The following COL4A6 variants were observed in gnomAD, a reference collection of about 807,000 sequenced individuals.
COL4A6 encodes the protein collagen alpha-6(IV) chain.
In COL4A6, 59 loss-of-function variants were observed where a neutral mutation model predicts 126.7. The observed-to-expected ratio is 0.47, with a 90% CI of 0.38 to 0.58. The LOEUF (loss-of-function observed/expected upper bound fraction) is 0.58, where lower values mean the gene tolerates loss of function less well. Ranked by LOEUF, COL4A6 falls within the 20% of genes least tolerant of loss-of-function variation. COL4A6 has a pLI of 0.00. For missense variants in COL4A6, 1,285 were observed against 1,337.3 expected (o/e 0.96, Z 0.61); for synonymous variants, 547 against 496.6 (o/e 1.10, Z -1.35).
At chrX:108,322,029 C>T (rs2039043570) in intron 2 of COL4A6, among the ~76,000 whole-genome samples, 1 of 111,487 alleles carries the variant, frequency 9.0e-6, no homozygotes. Flanking sequence ...TCTTAGAGCT[C>T]TTCCCTTAAA....
At chrX:108,378,515 A>G (rs2040492061) in intron 2 of COL4A6, among the ~76,000 whole-genome samples, 1 of 112,390 alleles carries the variant, frequency 8.9e-6, no homozygotes, top group African/African-American at 3.2e-5. Flanking sequence ...GAAGCTGGCC[A>G]GATGTTTGCC....
At chrX:108,340,848 G>T (rs2039546907) in intron 2 of COL4A6, among the ~76,000 whole-genome samples, 1 of 66,141 alleles carries the variant, frequency 1.5e-5, no homozygotes, top group Non-Finnish European at 2.7e-5. Flanking sequence ...TGGGGGGGGG[G>T]AATGGACAGG....
At chrX:108,400,940 G>C (rs986910979) in intron 2 of COL4A6, among the ~76,000 whole-genome samples, 1 of 111,493 alleles carries the variant, frequency 9.0e-6, no homozygotes, top group Non-Finnish European at 1.9e-5. Flanking sequence ...TTAGAATTTA[G>C]AAAGTCATTC....
chrX:108,320,214 G>C (rs1332112), intron 2 of COL4A6, among the ~76,000 whole-genome samples: 18,656 of 111,238 alleles, frequency 0.17, 1,768 homozygotes, highest in East Asian at 0.57. Flanking sequence ...AGAGCAAGGA[G>C]AAGGCATGAA....
At chrX:108,438,980 T>A (rs2064327697), upstream of COL4A6, among the ~76,000 whole-genome samples, 2 of 112,457 alleles carry the variant, frequency 1.8e-5, no homozygotes, top group Admixed American at 1.9e-4. Context: ...TTTGTTACTT[T>A]AAAAAAAATC....
chrX:108,329,500 A>T (rs2039242627), intron 2 of COL4A6, among the ~76,000 whole-genome samples: 1 of 111,744 alleles, frequency 8.9e-6, no homozygotes, highest in African/African-American at 3.2e-5. Context: ...CATTGTCTGG[A>T]TATTCGATTA....
chrX:108,284,411 T>C (rs1022000720), intron 3 of COL4A6, among the ~76,000 whole-genome samples: 6 of 111,501 alleles, frequency 5.4e-5, no homozygotes, highest in African/African-American at 2.0e-4. Context: ...TATACCTATG[T>C]AACAAACCTG....
At chrX:108,332,704 A>G (rs1182341471) in intron 2 of COL4A6, among the ~76,000 whole-genome samples, 2 of 109,051 alleles carry the variant, frequency 1.8e-5, no homozygotes, top group Non-Finnish European at 3.8e-5. Flanking sequence ...GTTATTTGTT[A>G]GTTTTTTTTT....
In COL4A6 at chrX:108,438,179, A is replaced by T. The variant is rs749456237; in HGVS notation, c.11+7T>A. ...GAGGAGGGGAGCTCGGGGCAGCAACAGCTCACCCAGGGTGCATGCTTGCGG... is the reference window on the plus strand; with the variant it reads ...GAGGAGGGGAGCTCGGGGCAGCAACTGCTCACCCAGGGTGCATGCTTGCGG... On this transcript the variant is annotated splice_region_variant and intron_variant, in intron 1 of 44. Coordinates refer to ENST00000334504, the MANE Select transcript of COL4A6 (RefSeq NM_033641.4). 3.5e-5 allele frequency: 42 copies of T among 1,202,876 alleles called. No homozygotes were observed. Among genetic ancestry groups the T allele is most frequent in the Non-Finnish European group, 4.7e-5 (42 of 892,069 alleles).
chrX:108,295,182 A>T (rs2147859460), intron 3 of COL4A6, among the ~76,000 whole-genome samples: 1 of 112,231 alleles, frequency 8.9e-6, no homozygotes, highest in East Asian at 2.8e-4. Context: ...ATACATTTAG[A>T]TCACAGATGG....
At chrX:108,303,546 C>T (rs2038550412) in intron 3 of COL4A6, among the ~76,000 whole-genome samples, 1 of 111,901 alleles carries the variant, frequency 8.9e-6, no homozygotes, top group South Asian at 3.8e-4. Context: ...GCAGAGTGAG[C>T]ATGGCTCCTC....
chrX:108,170,837 C>T lies in COL4A6; in HGVS notation c.3358G>A (p.Gly1120Arg). The T allele has an allele frequency of 2.5e-6, 3 of 1,212,310 alleles. No individual in the cohort carries two copies. Among genetic ancestry groups the T allele is most frequent in the Non-Finnish European group, 3.4e-6 (3 of 895,519 alleles). The part of the protein sequence containing the change: ...KGEDGKVGVS[G>R]DVGLPGAPGF... The stretch of plus-strand genomic sequence containing the variant: ...GGAGCTCCAGGAAGGCCAACATCTC[C>T]AGAAACACCAACTTTTCCATCTTCA... Residue 1120 changes from glycine (G) to arginine (R), a missense_variant, in exon 34 of 45, where the codon GGA becomes AGA. Gly to Arg is a moderately radical substitution (Grantham distance 125). Transcript: ENST00000334504.
intron 3 of COL4A6, among the ~76,000 whole-genome samples, chrX:108,234,880 T>A (rs1161959495): frequency 9.0e-6 from 1 of 111,135 alleles, no homozygotes; most frequent in Non-Finnish European, 1.9e-5. Context: ...TCAACAAATG[T>A]AGGAAGTGAG....
At chrX:108,341,877 T>TAAGAC (rs1263114837) in intron 2 of COL4A6, among the ~76,000 whole-genome samples, 1 of 112,121 alleles carries the variant, frequency 8.9e-6, no homozygotes, top group East Asian at 2.8e-4. Flanking sequence ...ACACATTAGA[T>TAAGAC]AAGACTAAAG....
chrX:108,200,716 A>G (rs1424505790), intron 13 of COL4A6, among the ~76,000 whole-genome samples: 1 of 111,511 alleles, frequency 9.0e-6, no homozygotes, highest in East Asian at 2.8e-4. Context: ...ACAGTTAACA[A>G]CAATGTACTG....
At chrX:108,412,803 C>G (rs1307828242) in intron 2 of COL4A6, among the ~76,000 whole-genome samples, 2 of 112,053 alleles carry the variant, frequency 1.8e-5, no homozygotes, top group African/African-American at 6.5e-5. Flanking sequence ...TTCCCTGACC[C>G]AGGTGAAAAC....
Position 108,169,628 on chromosome X carries a change from G to A in COL4A6, c.3566-8C>T, listed in dbSNP as rs766843100. 2.3e-4 allele frequency: 272 copies of A among 1,203,950 alleles called. No homozygotes were observed. Among genetic ancestry groups the A allele is most frequent in the Non-Finnish European group, 2.4e-4 (215 of 891,925 alleles). On this transcript the variant is annotated splice_region_variant and splice_polypyrimidine_tract_variant and intron_variant, in intron 36 of 44. Coordinates refer to ENST00000334504, the MANE Select transcript of COL4A6 (RefSeq NM_033641.4). ...CACCGGTGATACTAGGTCCTAGGAGGAGATGCAGGGGTAGGGGGCAGACCT... is the reference window on the plus strand; with the variant it reads ...CACCGGTGATACTAGGTCCTAGGAGAAGATGCAGGGGTAGGGGGCAGACCT...
chrX:108,184,994 G>A (rs965655679), intron 23 of COL4A6, among the ~76,000 whole-genome samples: 10 of 112,213 alleles, frequency 8.9e-5, no homozygotes, highest in African/African-American at 1.6e-4. Flanking sequence ...ACCCAATTAC[G>A]GGAGGAGCAG....
At chrX:108,233,620 T>C (rs942735332) in intron 3 of COL4A6, among the ~76,000 whole-genome samples, 2 of 111,902 alleles carry the variant, frequency 1.8e-5, no homozygotes, top group Non-Finnish European at 3.8e-5. Flanking sequence ...CCTGTATTCA[T>C]TTAGAACCAG....
Sources: gnomAD v4.1 joint callset for allele counts (sites outside exome capture counted in the v4.1 genomes callset) on GRCh38, gnomAD v4.1.1 for gene constraint, MANE v1.5 for transcripts, NCBI Gene and HGNC (gene_info 2026-07-23, HGNC 2026-07-21) for gene names.